ZNF486: variants seen among roughly 807,000 people sequenced by gnomAD.
ZNF486 encodes KRAB box only protein 2.
A neutral mutation model predicts 12.8 loss-of-function variants in ZNF486; 12 were observed. That is an observed-to-expected ratio of 0.94 (90% confidence interval 0.60 to 1.52). The LOEUF is 1.52. ZNF486 is among the 40% of genes most tolerant of loss of function. The probability of loss-of-function intolerance (pLI) is 0.00; values close to 1 mark genes in which losing one functional copy is unlikely to be tolerated. For missense variants in ZNF486, 738 were observed against 545.0 expected (o/e 1.35, Z -3.53); for synonymous variants, 231 against 184.9 (o/e 1.25, Z -2.02).
intron 3 of ZNF486, among the ~76,000 whole-genome samples, chr19:20,187,738 C>T (rs374068379): frequency 6.6e-6 from 1 of 151,886 alleles, no homozygotes; most frequent in African/African-American, 2.4e-5. Context: ...CTCCTGACCT[C>T]GTGATCCATC....
intron 1 of ZNF486, among the ~76,000 whole-genome samples, chr19:20,177,554 C>T (rs2089734145): frequency 6.6e-6 from 1 of 152,020 alleles, no homozygotes. Flanking sequence ...TGATGCATGT[C>T]ACATTCAAGT....
chr19:20,175,951 G>A lies in ZNF486; in HGVS notation c.31-8405G>A, dbSNP rs571097410. 3.3e-3 allele frequency: 565 copies of A among 173,824 alleles called. 3 individuals are homozygous for A. Among genetic ancestry groups the A allele is most frequent in the Middle Eastern group, 0.022 (8 of 366 alleles). The allele number at this position is 173,824 out of a possible 1,614,324, so 10.8% of individuals were successfully genotyped here. On this transcript the variant is annotated intron_variant, in intron 1 of 3. Transcript: ENST00000335117. ...CACCTCCCGGATGGGGCGGCTGGCC[G>A]GGCAGGGGACTGACCCCACCTCCCT...
intron 1 of ZNF486, among the ~76,000 whole-genome samples, chr19:20,177,986 C>T (rs1230232505): frequency 6.7e-6 from 1 of 148,920 alleles, no homozygotes; most frequent in Non-Finnish European, 1.5e-5. Flanking sequence ...TGTGATGGCG[C>T]AAACTTGGCT....
chr19:20,172,139 G>T (rs1431216515), intron 1 of ZNF486, among the ~76,000 whole-genome samples: 1 of 152,038 alleles, frequency 6.6e-6, no homozygotes, highest in East Asian at 1.9e-4. Context: ...AAGTAGCTGG[G>T]ATTACAAGCA....
intron 3 of ZNF486, among the ~76,000 whole-genome samples, 198 bp from the exon 4 acceptor site, chr19:20,196,766 C>CA (rs1301464904): frequency 6.6e-6 from 1 of 152,202 alleles, no homozygotes; most frequent in Admixed American, 6.5e-5. Context: ...ACTTAAAACT[C>CA]ACTTATAAAT....
rs369069395 is a variant in ZNF486 at position 20,197,912 on chromosome 19, C to T, written c.1202C>T (p.Thr401Ile). ...AGLHKHRRTH[T>I]GEKPYKCEEC... ...CTCCATAAACATAGGAGAACTCATACTGGAGAGAAACCCTACAAATGTGAA... is the reference window on the plus strand; with the variant it reads ...CTCCATAAACATAGGAGAACTCATATTGGAGAGAAACCCTACAAATGTGAA... Residue 401 changes from threonine (T) to isoleucine (I), a missense_variant, in exon 4 of 4, where the codon ACT becomes ATT. Coordinates refer to ENST00000335117, the MANE Select transcript of ZNF486 (RefSeq NM_052852.4). The T allele has an allele frequency of 5.0e-6, 8 of 1,613,038 alleles. No homozygotes were observed. The highest frequency in any genetic ancestry group is 2.7e-5 in the African/African-American group (2 of 74,562).
intron 3 of ZNF486, among the ~76,000 whole-genome samples, chr19:20,195,132 A>G (rs1299077521): frequency 2.0e-5 from 3 of 152,014 alleles, no homozygotes; most frequent in Admixed American, 6.6e-5. Context: ...TCAGCCTCCT[A>G]AAGTGCTGGG....
intron 1 of ZNF486, among the ~76,000 whole-genome samples, chr19:20,170,084 G>T (rs1433743119): frequency 6.6e-6 from 1 of 151,072 alleles, no homozygotes; most frequent in African/African-American, 2.4e-5. Context: ...GTAGAGACGG[G>T]TTTCACCGTG....
chr19:20,199,719 A>T lies in ZNF486; in HGVS notation c.*1617A>T, dbSNP rs1198850573. Reference sequence around the variant, plus strand: ...GTGAAACTCTGTCTCCAGGAAAAAAAAAAATTTATTTGTGTATAACTTTAA... The same window carrying T: ...GTGAAACTCTGTCTCCAGGAAAAAATAAAATTTATTTGTGTATAACTTTAA... On this transcript the variant is annotated 3_prime_UTR_variant, in exon 4 of 4. Transcript: ENST00000335117. 1.3e-5 allele frequency: 2 copies of T among 151,916 alleles called. No homozygotes were observed. Among genetic ancestry groups the T allele is most frequent in the African/African-American group, 4.8e-5 (2 of 41,350 alleles). 9.4% of individuals were successfully genotyped at this position (151,916 alleles called of 1,614,324 possible). A position where few individuals can be genotyped will look rare whatever the true frequency, so the allele number is the denominator to read the frequency against.
chr19:20,172,943 G>A (rs140083802), intron 1 of ZNF486, among the ~76,000 whole-genome samples: 2,756 of 152,272 alleles, frequency 0.018, 39 homozygotes, highest in Non-Finnish European at 0.029. Flanking sequence ...GCCCAGCCAA[G>A]TTCTTAATAA....
intron 1 of ZNF486, among the ~76,000 whole-genome samples, chr19:20,177,490 A>T (rs572426825): frequency 6.6e-6 from 1 of 152,234 alleles, no homozygotes; most frequent in Non-Finnish European, 1.5e-5. Flanking sequence ...CTACTTATGG[A>T]CTAATTATGT....
At chr19:20,177,928 A>T (rs528366620) in intron 1 of ZNF486, among the ~76,000 whole-genome samples, 2 of 140,206 alleles carry the variant, frequency 1.4e-5, no homozygotes, top group South Asian at 4.3e-4. Context: ...GGCTGTAAAC[A>T]TTTGTTCTTT....
chr19:20,192,226 A>G (rs1468240100), intron 3 of ZNF486, among the ~76,000 whole-genome samples: 1 of 152,168 alleles, frequency 6.6e-6, no homozygotes, highest in Non-Finnish European at 1.5e-5. Context: ...CAATGCTACA[A>G]TGAGTCTCTT....
chr19:20,173,421 A>G (rs1221796072), intron 1 of ZNF486, among the ~76,000 whole-genome samples: 1 of 152,092 alleles, frequency 6.6e-6, no homozygotes, highest in East Asian at 1.9e-4. Flanking sequence ...GGTCTTGTGC[A>G]CTCATGGATT....
chr19:20,196,389 TGCAA>T (rs2089958533), intron 3 of ZNF486, among the ~76,000 whole-genome samples: 1 of 152,174 alleles, frequency 6.6e-6, no homozygotes, highest in African/African-American at 2.4e-5. Flanking sequence ...AGTGCAGTGG[TGCAA>T]TCTTGGCTTA....
At chr19:20,195,723 G>A (rs1044911620) in intron 3 of ZNF486, among the ~76,000 whole-genome samples, 3 of 152,146 alleles carry the variant, frequency 2.0e-5, no homozygotes, top group Non-Finnish European at 4.4e-5. Flanking sequence ...GATGAGTCTT[G>A]TCTAAAATTT....
At chr19:20,192,975 A>G (rs2089916642) in intron 3 of ZNF486, among the ~76,000 whole-genome samples, 1 of 151,820 alleles carries the variant, frequency 6.6e-6, no homozygotes, top group Admixed American at 6.6e-5. Context: ...TAGTAGTTAT[A>G]TTTTTCTCAT....
At chr19:20,181,418 A>T (rs921075511) in intron 1 of ZNF486, among the ~76,000 whole-genome samples, 2 of 152,034 alleles carry the variant, frequency 1.3e-5, no homozygotes, top group Non-Finnish European at 2.9e-5. Context: ...GGGCGCCTGT[A>T]GTCCCAGCTA....
intron 1 of ZNF486, among the ~76,000 whole-genome samples, chr19:20,167,868 A>T (rs2089602105): frequency 6.6e-6 from 1 of 151,510 alleles, no homozygotes; most frequent in African/African-American, 2.4e-5. Context: ...CTCTTCAAAG[A>T]CTCAACTTCC....
Sources: gnomAD v4.1 joint callset for allele counts (sites outside exome capture counted in the v4.1 genomes callset) on GRCh38, gnomAD v4.1.1 for gene constraint, MANE v1.5 for transcripts, NCBI Gene and HGNC (gene_info 2026-07-23, HGNC 2026-07-21) for gene names.